Variants in TPX2 observed in about 807,000 individuals in gnomAD.
The protein encoded by TPX2 is TPX2 microtubule nucleation factor, also known as targeting protein for Xklp2.
Under a neutral mutation model 93.6 loss-of-function variants are expected in TPX2, and 21 were observed. The ratio of observed to expected loss-of-function variants is 0.22; its 90% CI spans 0.16 to 0.32. The LOEUF (loss-of-function observed/expected upper bound fraction) is 0.32, where lower values mean the gene tolerates loss of function less well. TPX2 is among the 10% of genes least tolerant of loss of function. The probability of loss-of-function intolerance (pLI) is 1.00; values close to 1 mark genes in which losing one functional copy is unlikely to be tolerated. For missense variants in TPX2, 776 were observed against 871.1 expected (o/e 0.89, Z 1.37); for synonymous variants, 281 against 298.3 (o/e 0.94, Z 0.60).
intron 17 of TPX2, among the ~76,000 whole-genome samples, chr20:31,799,637 C>T (rs1600398150): frequency 6.6e-6 from 1 of 152,164 alleles, no homozygotes; most frequent in East Asian, 1.9e-4. Context: ...TGGTGGCTCA[C>T]ACCTGTAATC....
At chr20:31,769,730 ATTTTTGTTTTGTGC>A (rs1269005217) in intron 5 of TPX2, among the ~76,000 whole-genome samples, 2 of 151,970 alleles carry the variant, frequency 1.3e-5, no homozygotes, top group African/African-American at 2.4e-5. Flanking sequence ...TCATTTAAGT[ATTTTTGTTTTGTGC>A]ACTTTTTGGT....
intron 11 of TPX2, among the ~76,000 whole-genome samples, chr20:31,782,889 T>TACACACACACACACACACACAC (rs71926112): frequency 2.1e-5 from 3 of 142,664 alleles, no homozygotes; most frequent in African/African-American, 7.8e-5. Context: ...CATACACACA[T>TACACACACACACACACACACAC]ACACACACAC....
At chr20:31,768,027 G>T (rs924636232) in intron 5 of TPX2, among the ~76,000 whole-genome samples, 2 of 151,712 alleles carry the variant, frequency 1.3e-5, no homozygotes, top group African/African-American at 4.8e-5. Context: ...GACCTCTCAG[G>T]TGTAAGCAAT....
chr20:31,784,016 G>A (rs1484000854), intron 12 of TPX2, 95 bp downstream of exon 12: 1 of 1,335,000 alleles, frequency 7.5e-7, no homozygotes, highest in East Asian at 2.3e-5. Flanking sequence ...TTATGAGCAG[G>A]GCATCATATT....
At position 31,781,794 on chromosome 20, in the gene TPX2, T is replaced by C. The variant is rs564291973; in HGVS notation, c.1055-455T>C. Among the ~76,000 whole-genome samples, 361 of 151,832 alleles carry C rather than the reference T, an allele frequency of 2.4e-3. 1 individual carries two copies. Among genetic ancestry groups the C allele is most frequent in the African/African-American group, 8.2e-3 (340 of 41,456 alleles). On this transcript the variant is annotated intron_variant, in intron 10 of 17. Coordinates refer to ENST00000300403, the MANE Select transcript of TPX2 (RefSeq NM_012112.5). ...CCTGTCTCTACAAAGAATATAAAAA[T>C]TAGCTGGGCATGGTGGTGCATGCCT...
At chr20:31,795,897 A>C (rs2062136088) in intron 15 of TPX2, among the ~76,000 whole-genome samples, 1 of 152,178 alleles carries the variant, frequency 6.6e-6, no homozygotes, top group Non-Finnish European at 1.5e-5. Context: ...TTAATCTTGG[A>C]TTCTTTCCAA....
rs534468900 is a variant in TPX2 at position 31,788,124 on chromosome 20, G to T, written c.1413+4203G>T. Among the ~76,000 whole-genome samples, 4 of 152,168 alleles carry T rather than the reference G, an allele frequency of 2.6e-5. No individual in the cohort carries two copies. In the East Asian group the frequency reaches 7.7e-4, roughly 29 times the overall value. ...AAACATTTAAAAGAAACATTTATAAGAGAGTAAGTCGGCCAGGCGCGGTGG... is the reference window on the plus strand; with the variant it reads ...AAACATTTAAAAGAAACATTTATAATAGAGTAAGTCGGCCAGGCGCGGTGG... On this transcript the variant is annotated intron_variant, in intron 12 of 17. Transcript: ENST00000300403.
At chr20:31,785,873 ACT>A in intron 12 of TPX2, among the ~76,000 whole-genome samples, 1 of 151,152 alleles carries the variant, frequency 6.6e-6, no homozygotes. Context: ...TTTATGTACC[ACT>A]CTCTCAATTT....
intron 2 of TPX2, among the ~76,000 whole-genome samples, chr20:31,751,296 C>T (rs2061817994): frequency 6.6e-6 from 1 of 152,146 alleles, no homozygotes; most frequent in Non-Finnish European, 1.5e-5. Flanking sequence ...CTGCCTCTTC[C>T]TTCCCCCAGC....
At chr20:31,792,230 G>A (rs1022228909) in intron 12 of TPX2, among the ~76,000 whole-genome samples, 7 of 151,980 alleles carry the variant, frequency 4.6e-5, no homozygotes, top group African/African-American at 9.7e-5. Context: ...AAAGTGGTGC[G>A]CGCTTGTAGT....
At chr20:31,756,573 T>G (rs570701860) in intron 2 of TPX2, among the ~76,000 whole-genome samples, 55 of 152,150 alleles carry the variant, frequency 3.6e-4, no homozygotes, top group Middle Eastern at 3.4e-3. Context: ...TATCAAACTT[T>G]GCCTCTTTTA....
intron 5 of TPX2, among the ~76,000 whole-genome samples, chr20:31,768,337 G>C (rs1307469934): frequency 2.0e-5 from 3 of 151,700 alleles, no homozygotes; most frequent in Non-Finnish European, 4.4e-5. Context: ...CCGGGTTCAA[G>C]TGATTCTCCT....
chr20:31,757,360 A>G (rs2061858585), intron 2 of TPX2, 47 bp from the exon 3 acceptor site: 2 of 810,182 alleles, frequency 2.5e-6, no homozygotes, highest in Admixed American at 5.6e-5. Context: ...AACCAAAGTA[A>G]TGATGGGAAT....
intron 15 of TPX2, 107 bp downstream of exon 15, chr20:31,794,655 G>A: frequency 7.2e-7 from 1 of 1,392,196 alleles, no homozygotes; most frequent in Non-Finnish European, 9.7e-7. Flanking sequence ...CATTGTTTCA[G>A]GGGCTCTCAC....
intron 2 of TPX2, among the ~76,000 whole-genome samples, chr20:31,755,760 CAA>C (rs559251251): frequency 1.4e-4 from 16 of 113,880 alleles, no homozygotes; most frequent in Admixed American, 2.8e-4. Context: ...GACTCCGTCT[CAA>C]AAAAAAAAAA....
chr20:31,778,780 A>G (rs1418228837), intron 9 of TPX2, 33 bp from the exon 10 acceptor site: 2 of 1,519,288 alleles, frequency 1.3e-6, no homozygotes, highest in East Asian at 4.6e-5. Context: ...CTTCCGTGAC[A>G]TTTCATTTGG....
chr20:31,741,130 G>A (rs2061750766), intron 1 of TPX2, among the ~76,000 whole-genome samples: 1 of 152,014 alleles, frequency 6.6e-6, no homozygotes, highest in Non-Finnish European at 1.5e-5. Flanking sequence ...AGATGTTCAG[G>A]GCTCATCTAC....
chr20:31,773,014 TCACC>T (rs2061973641), intron 7 of TPX2, among the ~76,000 whole-genome samples: 2 of 145,698 alleles, frequency 1.4e-5, no homozygotes, highest in Middle Eastern at 3.4e-3. Context: ...TCTCACCCTG[TCACC>T]CAGGTTGGAG....
chr20:31,790,165 A>C (rs764584664), intron 12 of TPX2, among the ~76,000 whole-genome samples: 1 of 152,156 alleles, frequency 6.6e-6, no homozygotes, highest in Non-Finnish European at 1.5e-5. Context: ...ATCATTTGAC[A>C]ACCCATTTCT....
Sources: gnomAD v4.1 joint callset for allele counts (sites outside exome capture counted in the v4.1 genomes callset) on GRCh38, gnomAD v4.1.1 for gene constraint, MANE v1.5 for transcripts, NCBI Gene and HGNC (gene_info 2026-07-23, HGNC 2026-07-21) for gene names.